Variants in VTI1A observed in about 807,000 individuals in gnomAD.
VTI1A encodes vesicle transport through interaction with t-SNAREs homolog 1A.
Under a neutral mutation model 34.9 loss-of-function variants are expected in VTI1A, and 22 were observed. The observed-to-expected ratio is 0.63, with a 90% CI of 0.45 to 0.90. The LOEUF is 0.90. VTI1A is among the 40% of genes least tolerant of loss of function. The probability of loss-of-function intolerance (pLI) is 0.00; values close to 1 mark genes in which losing one functional copy is unlikely to be tolerated. For synonymous variants in VTI1A, 87 were observed against 97.3 expected (o/e 0.89, Z 0.62); for missense variants, 268 against 275.6 (o/e 0.97, Z 0.20).
intron 7 of VTI1A, among the ~76,000 whole-genome samples, chr10:112,806,667 T>C (rs1180153500): frequency 6.6e-6 from 1 of 151,856 alleles, no homozygotes; most frequent in African/African-American, 2.4e-5. Flanking sequence ...CTCATTGCGA[T>C]TTCACCCTCA....
chr10:112,711,808 CTACAG>C (rs1849426510), intron 7 of VTI1A, among the ~76,000 whole-genome samples: 1 of 152,328 alleles, frequency 6.6e-6, no homozygotes, highest in East Asian at 1.9e-4. Context: ...CAGATCGACG[CTACAG>C]TTTGTGAGAA....
chr10:112,820,384 C>G (rs1347926106), downstream of VTI1A, among the ~76,000 whole-genome samples: 1 of 152,244 alleles, frequency 6.6e-6, no homozygotes, highest in Admixed American at 6.5e-5. Context: ...CTCAACCTCA[C>G]CCTATGCAGT....
At chr10:112,698,310 T>C (rs1394490685) in intron 7 of VTI1A, among the ~76,000 whole-genome samples, 1 of 152,198 alleles carries the variant, frequency 6.6e-6, no homozygotes, top group Non-Finnish European at 1.5e-5. Context: ...TTCCGAACAC[T>C]GCATATTGTC....
intron 7 of VTI1A, among the ~76,000 whole-genome samples, chr10:112,713,943 A>G (rs1335873071): frequency 3.9e-5 from 6 of 152,164 alleles, no homozygotes; most frequent in African/African-American, 1.2e-4. Context: ...CAAGATAGCA[A>G]AAGAGGTCTT....
chr10:112,503,649 C>T (rs570287470), intron 3 of VTI1A, among the ~76,000 whole-genome samples: 102 of 152,232 alleles, frequency 6.7e-4, no homozygotes, highest in Admixed American at 8.5e-4. Context: ...TTTAAGAGGA[C>T]AACCATTATA....
the VTI1A span, among the ~76,000 whole-genome samples, chr10:112,829,734 A>G: frequency 6.6e-6 from 1 of 152,264 alleles, no homozygotes; most frequent in Non-Finnish European, 1.5e-5. Flanking sequence ...AGCCTGGGCA[A>G]CAGAGAAAGA....
chr10:112,791,750 C>T (rs189217888), intron 7 of VTI1A, among the ~76,000 whole-genome samples: 4 of 151,652 alleles, frequency 2.6e-5, no homozygotes, highest in South Asian at 2.1e-4. Context: ...ACTTTGGGTA[C>T]GTATAACTTA....
chr10:112,559,632 A>G (rs990623738), intron 5 of VTI1A, among the ~76,000 whole-genome samples: 1 of 152,134 alleles, frequency 6.6e-6, no homozygotes, highest in African/African-American at 2.4e-5. Context: ...ACGTTTCCAC[A>G]GTGGATTATC....
chr10:112,832,086 G>T, the VTI1A span: 2 of 152,142 alleles, frequency 1.3e-5, no homozygotes, highest in African/African-American at 4.8e-5. Context: ...TGATTTTCTT[G>T]TAAAACTTTT....
chr10:112,676,379 G>A (rs1234949668), intron 7 of VTI1A, among the ~76,000 whole-genome samples: 1 of 152,006 alleles, frequency 6.6e-6, no homozygotes, highest in African/African-American at 2.4e-5. Context: ...TCTCATTTAG[G>A]CTGTTTAGGG....
intron 5 of VTI1A, among the ~76,000 whole-genome samples, chr10:112,556,963 T>C (rs1285608461): frequency 1.3e-5 from 2 of 152,128 alleles, no homozygotes; most frequent in Admixed American, 1.3e-4. Flanking sequence ...CTAGTCCCTA[T>C]TTATTGTTAC....
intron 3 of VTI1A, among the ~76,000 whole-genome samples, chr10:112,511,463 T>C (rs553785513): frequency 5.3e-5 from 8 of 152,198 alleles, no homozygotes; most frequent in African/African-American, 1.9e-4. Flanking sequence ...AAGGATGGTC[T>C]AGATCTCCAA....
intron 7 of VTI1A, among the ~76,000 whole-genome samples, chr10:112,704,816 A>G (rs1476266097): frequency 6.6e-6 from 1 of 151,770 alleles, no homozygotes; most frequent in Non-Finnish European, 1.5e-5. Flanking sequence ...TAGGTCCAGT[A>G]GGGATACAAA....
chr10:112,806,525 A>G (rs1237031111), intron 7 of VTI1A, among the ~76,000 whole-genome samples: 1 of 151,690 alleles, frequency 6.6e-6, no homozygotes, highest in Non-Finnish European at 1.5e-5. Context: ...ACCTCAAGTG[A>G]TCTGCCCACC....
At chr10:112,645,201 T>A (rs1243709841) in intron 5 of VTI1A, among the ~76,000 whole-genome samples, 1 of 152,236 alleles carries the variant, frequency 6.6e-6, no homozygotes, top group Admixed American at 6.5e-5. Flanking sequence ...TGGAATCTAT[T>A]TATGATAGCT....
chr10:112,634,705 ATCT>A (rs747110085), intron 5 of VTI1A, among the ~76,000 whole-genome samples: 17 of 152,040 alleles, frequency 1.1e-4, no homozygotes, highest in Non-Finnish European at 2.5e-4. Flanking sequence ...CTGTTTAAAA[ATCT>A]TCTACGTAAT....
intron 7 of VTI1A, among the ~76,000 whole-genome samples, chr10:112,729,097 G>C (rs1241263357): frequency 1.3e-5 from 2 of 151,974 alleles, no homozygotes; most frequent in Non-Finnish European, 2.9e-5. Context: ...TGACTAAAAA[G>C]GTTCCAAACC....
At chr10:112,797,003 T>C (rs1253293094) in intron 7 of VTI1A, among the ~76,000 whole-genome samples, 1 of 152,224 alleles carries the variant, frequency 6.6e-6, no homozygotes. Context: ...TCAAAACTGT[T>C]GTCTGAAATG....
intron 3 of VTI1A, among the ~76,000 whole-genome samples, chr10:112,474,524 C>T (rs983881060): frequency 6.6e-6 from 1 of 150,982 alleles, no homozygotes; most frequent in East Asian, 1.9e-4. Flanking sequence ...GGTGCAATCA[C>T]AGATCACAGT....
Sources: allele counts gnomAD v4.1 joint callset (sites outside exome capture counted in the v4.1 genomes callset), GRCh38; gene constraint gnomAD v4.1.1; transcripts MANE v1.5; gene names NCBI Gene and HGNC (gene_info 2026-07-23, HGNC 2026-07-21).